The following AFG2A variants were observed in gnomAD, a reference collection of about 807,000 sequenced individuals.
AFG2A encodes ATPase family gene 2 protein homolog A.
chr4:122,924,116 C>T, the AFG2A span, among the ~76,000 whole-genome samples: 1 of 152,202 alleles, frequency 6.6e-6, no homozygotes, highest in South Asian at 2.1e-4. Context: ...TTAGAGTTCA[C>T]ATGGTATTTT....
the AFG2A span, among the ~76,000 whole-genome samples, chr4:123,044,345 A>T: frequency 6.6e-6 from 1 of 152,144 alleles, no homozygotes; most frequent in Non-Finnish European, 1.5e-5. Flanking sequence ...TTGCAAACTG[A>T]TGTGGAAGGT....
At chr4:123,044,402 A>G in the AFG2A span, among the ~76,000 whole-genome samples, 1 of 152,134 alleles carries the variant, frequency 6.6e-6, no homozygotes. Context: ...TCTTTCAGTT[A>G]TCCATTTGTA....
chr4:123,116,980 A>G, the AFG2A span, among the ~76,000 whole-genome samples: 2 of 152,230 alleles, frequency 1.3e-5, no homozygotes, highest in Non-Finnish European at 2.9e-5. Flanking sequence ...TCCAAAAATC[A>G]ATTATCTTGG....
the AFG2A span, among the ~76,000 whole-genome samples, chr4:123,253,423 G>T: frequency 6.6e-6 from 1 of 151,532 alleles, no homozygotes; most frequent in Non-Finnish European, 1.5e-5. Context: ...GGCAGAGGTT[G>T]CAGTGAGCAA....
the AFG2A span, among the ~76,000 whole-genome samples, chr4:123,121,016 A>G: frequency 6.6e-6 from 1 of 152,168 alleles, no homozygotes. Flanking sequence ...CCTTTCAGGG[A>G]AATAAGATGT....
the AFG2A span, among the ~76,000 whole-genome samples, chr4:123,023,460 C>A: frequency 6.6e-6 from 1 of 152,128 alleles, no homozygotes; most frequent in Admixed American, 6.5e-5. Context: ...AAAGAACTTC[C>A]TCCACCAGTT....
At chr4:123,009,796 T>G in the AFG2A span, among the ~76,000 whole-genome samples, 1 of 152,234 alleles carries the variant, frequency 6.6e-6, no homozygotes, top group Non-Finnish European at 1.5e-5. Flanking sequence ...CATCACAGTC[T>G]AACTAAGGTA....
the AFG2A span, among the ~76,000 whole-genome samples, chr4:123,114,906 G>A: frequency 3.3e-5 from 5 of 152,218 alleles, no homozygotes; most frequent in African/African-American, 1.2e-4. Context: ...CAGCACCTTT[G>A]GCCAGGTGCT....
At chr4:123,004,817 T>C in the AFG2A span, among the ~76,000 whole-genome samples, 2 of 152,236 alleles carry the variant, frequency 1.3e-5, no homozygotes, top group Non-Finnish European at 2.9e-5. Context: ...TTCCCTTATA[T>C]GTTCTCCATT....
chr4:123,208,603 T>G, the AFG2A span, among the ~76,000 whole-genome samples: 1 of 152,216 alleles, frequency 6.6e-6, no homozygotes, highest in Non-Finnish European at 1.5e-5. Context: ...CTGTAGAGTC[T>G]GCATCTAAGA....
At chr4:123,126,485 A>G in the AFG2A span, among the ~76,000 whole-genome samples, 1 of 152,120 alleles carries the variant, frequency 6.6e-6, no homozygotes, top group Non-Finnish European at 1.5e-5. Flanking sequence ...AGATTGATAC[A>G]GTTTGGCTGT....
chr4:123,252,648 CAATA>C, the AFG2A span, among the ~76,000 whole-genome samples: 1 of 152,160 alleles, frequency 6.6e-6, no homozygotes, highest in Non-Finnish European at 1.5e-5. Flanking sequence ...AGTTTACACA[CAATA>C]ATTGTATCAA....
At chr4:123,163,439 CT>C in the AFG2A span, among the ~76,000 whole-genome samples, 2 of 152,174 alleles carry the variant, frequency 1.3e-5, no homozygotes, top group South Asian at 2.1e-4. Flanking sequence ...GAGACTCCAT[CT>C]CAAAAAAACA....
chr4:122,992,978 G>GTGTGTGTGTGTGTGTGTGTGTGTGTGTA, the AFG2A span, among the ~76,000 whole-genome samples: 113 of 134,928 alleles, frequency 8.4e-4, no homozygotes, highest in Admixed American at 2.7e-3. Flanking sequence ...GTGTGTGTAT[G>GTGTGTGTGTGTGTGTGTGTGTGTGTGTA]TGTGTGTGTG....
chr4:123,270,230 G>A, the AFG2A span, among the ~76,000 whole-genome samples: 1 of 152,308 alleles, frequency 6.6e-6, no homozygotes, highest in African/African-American at 2.4e-5. Flanking sequence ...GACTTTTTAT[G>A]TAGTTGGTCA....
the AFG2A span, among the ~76,000 whole-genome samples, chr4:123,028,869 C>G: frequency 6.6e-6 from 1 of 152,188 alleles, no homozygotes; most frequent in Non-Finnish European, 1.5e-5. Context: ...CTGAACCACA[C>G]ACACATTTTA....
At chr4:123,002,633 T>C in the AFG2A span, among the ~76,000 whole-genome samples, 45 of 152,246 alleles carry the variant, frequency 3.0e-4, no homozygotes, top group South Asian at 2.1e-3. Context: ...AATATTGGCC[T>C]CCACTCTCTT....
chr4:123,193,612 G>A, the AFG2A span, among the ~76,000 whole-genome samples: 1 of 152,192 alleles, frequency 6.6e-6, no homozygotes, highest in Non-Finnish European at 1.5e-5. Flanking sequence ...CAGCAAAGCT[G>A]TTCTCTGGTG....
the AFG2A span, among the ~76,000 whole-genome samples, chr4:123,033,136 T>G: frequency 1.3e-5 from 2 of 152,214 alleles, no homozygotes; most frequent in African/African-American, 2.4e-5. Flanking sequence ...AGGCTTCTGT[T>G]TTTTAATTTT....
Sources: allele counts gnomAD v4.1 joint callset (sites outside exome capture counted in the v4.1 genomes callset), GRCh38; gene constraint gnomAD v4.1.1; transcripts MANE v1.5; gene names NCBI Gene and HGNC (gene_info 2026-07-23, HGNC 2026-07-21).